CD226: variants seen among roughly 807,000 people sequenced by gnomAD.
The protein encoded by CD226 is CD226 molecule.
In CD226, 24 loss-of-function variants were observed where a neutral mutation model predicts 34.9. The observed-to-expected ratio is 0.69, with a 90% CI of 0.50 to 0.97. The LOEUF is 0.97. CD226 is among the 50% of genes least tolerant of loss of function. The pLI, the probability that CD226 is intolerant of heterozygous loss-of-function variation, is 0.00. For synonymous variants in CD226, 148 were observed against 147.4 expected, an observed-to-expected ratio of 1.00 and a Z score of -0.03; for missense variants, 397 against 412.7, an observed-to-expected ratio of 0.96 and a Z score of 0.33.
upstream of CD226, among the ~76,000 whole-genome samples, chr18:69,948,689 G>A (rs568737927): frequency 2.0e-5 from 3 of 152,240 alleles, no homozygotes; most frequent in South Asian, 6.2e-4. Context: ...GATATTATTT[G>A]TGCCTCTAGT....
chr18:69,867,995 C>T (rs994997008), intron 4 of CD226, among the ~76,000 whole-genome samples: 8 of 152,122 alleles, frequency 5.3e-5, no homozygotes, highest in Non-Finnish European at 7.3e-5. Flanking sequence ...TTAAATCCAT[C>T]GCCCTCCCTC....
chr18:69,888,518 A>C (rs946641043), intron 3 of CD226, among the ~76,000 whole-genome samples: 1 of 150,064 alleles, frequency 6.7e-6, no homozygotes, highest in African/African-American at 2.5e-5. Flanking sequence ...TCTTGGGCTC[A>C]AGGACTCCTA....
chr18:69,880,806 A>C (rs1984213124), intron 3 of CD226, among the ~76,000 whole-genome samples: 2 of 151,848 alleles, frequency 1.3e-5, no homozygotes, highest in Non-Finnish European at 2.9e-5. Context: ...CGCCCGCCAC[A>C]ATGCCCAGCT....
intron 2 of CD226, among the ~76,000 whole-genome samples, chr18:69,921,097 A>G (rs1028192991): frequency 7.9e-5 from 12 of 152,086 alleles, no homozygotes; most frequent in Non-Finnish European, 1.5e-5. Context: ...ATTCTTCCCA[A>G]ATGTAAATCT....
At position 69,864,529 on chromosome 18, in the gene CD226, G is replaced by A. The variant is rs1983017371; in HGVS notation, c.886-90C>T. 3.2e-6 allele frequency: 4 copies of A among 1,238,276 alleles called. No homozygotes were observed. In the Admixed American group the frequency reaches 8.3e-5, roughly 26 times the overall value. The allele number at this position is 1,238,276 out of a possible 1,614,324, so 76.7% of individuals were successfully genotyped here. A position where few individuals can be genotyped will look rare whatever the true frequency, so the allele number is the denominator to read the frequency against. On this transcript the variant is annotated intron_variant, in intron 5 of 5. Transcript: ENST00000582621. Reference sequence around the variant, plus strand: ...CAAAACATACCTCTCATAAATGCAGGCATGATATGGGACAAGTTTCCATTA... The same window carrying A: ...CAAAACATACCTCTCATAAATGCAGACATGATATGGGACAAGTTTCCATTA...
chr18:69,901,795 C>T (rs559708475), intron 2 of CD226, among the ~76,000 whole-genome samples: 9 of 151,602 alleles, frequency 5.9e-5, no homozygotes, highest in South Asian at 2.1e-4. Flanking sequence ...AGAAGAATGG[C>T]GTGAACCCGG....
intron 2 of CD226, among the ~76,000 whole-genome samples, chr18:69,908,550 G>A (rs2055284148): frequency 6.6e-6 from 1 of 152,172 alleles, no homozygotes; most frequent in Non-Finnish European, 1.5e-5. Context: ...ATGGTTATTA[G>A]AGGCTTCCCT....
At chr18:69,905,721 G>A (rs1445175738) in intron 2 of CD226, among the ~76,000 whole-genome samples, 2 of 152,186 alleles carry the variant, frequency 1.3e-5, no homozygotes, top group African/African-American at 4.8e-5. Flanking sequence ...AGACACACAA[G>A]CAGATAATTG....
chr18:69,960,249 AAAAAG>A (rs1438557708), upstream of CD226, among the ~76,000 whole-genome samples: 42 of 152,026 alleles, frequency 2.8e-4, no homozygotes, highest in Middle Eastern at 6.8e-3. Flanking sequence ...TAAAAAAAAA[AAAAAG>A]AAAAGAAAAG....
chr18:69,957,853 C>T (rs2055909524), upstream of CD226, among the ~76,000 whole-genome samples: 1 of 152,200 alleles, frequency 6.6e-6, no homozygotes, highest in African/African-American at 2.4e-5. Context: ...GCCTCACTGT[C>T]CCCAAGAGAA....
chr18:69,887,753 C>T (rs1732382369), intron 3 of CD226, among the ~76,000 whole-genome samples: 1 of 152,128 alleles, frequency 6.6e-6, no homozygotes, highest in South Asian at 2.1e-4. Flanking sequence ...CCATGGCCTA[C>T]CTTTGAGTTC....
chr18:69,900,756 A>AAAAT (rs1555680749), intron 2 of CD226, among the ~76,000 whole-genome samples: 3 of 150,794 alleles, frequency 2.0e-5, no homozygotes, highest in South Asian at 2.1e-4. Context: ...AAAAAAAAAA[A>AAAAT]TTTCTAATAA....
intron 2 of CD226, among the ~76,000 whole-genome samples, chr18:69,932,962 A>G (rs2145336110): frequency 6.6e-6 from 1 of 152,316 alleles, no homozygotes; most frequent in East Asian, 1.9e-4. Flanking sequence ...CATTCAATAA[A>G]CATTTATAGA....
chr18:69,920,935 AC>A, intron 2 of CD226, among the ~76,000 whole-genome samples: 1 of 152,340 alleles, frequency 6.6e-6, no homozygotes, highest in South Asian at 2.1e-4. Flanking sequence ...AATCCTTTAT[AC>A]AAAAAAGTCA....
At chr18:69,907,072 C>A (rs2055263706) in intron 2 of CD226, among the ~76,000 whole-genome samples, 1 of 152,168 alleles carries the variant, frequency 6.6e-6, no homozygotes, top group South Asian at 2.1e-4. Context: ...GACCAGGCAG[C>A]TTCCCTAGAC....
intron 2 of CD226, among the ~76,000 whole-genome samples, chr18:69,924,692 C>CA (rs56118102): frequency 0.022 from 1,227 of 57,040 alleles, 39 homozygotes; most frequent in African/African-American, 0.072. Flanking sequence ...AAGGTATTGC[C>CA]AAAAAAAAAA....
chr18:69,926,929 T>A (rs1030341166), intron 2 of CD226, among the ~76,000 whole-genome samples: 1 of 152,170 alleles, frequency 6.6e-6, no homozygotes, highest in Non-Finnish European at 1.5e-5. Flanking sequence ...ACCAAAACAA[T>A]AGATAGCAGG....
intron 2 of CD226, among the ~76,000 whole-genome samples, chr18:69,931,632 G>A (rs1394373935): frequency 6.6e-6 from 1 of 152,162 alleles, no homozygotes; most frequent in Non-Finnish European, 1.5e-5. Flanking sequence ...AGGGAGCAGT[G>A]TTCCAGCAAT....
rs1322161815 is a variant in CD226 at position 69,854,304 on chromosome 18, C to T, written c.*10010G>A. 6.6e-6 allele frequency: 1 copy of T among 152,252 alleles called. No homozygotes were observed. The highest frequency in any genetic ancestry group is 1.5e-5 in the Non-Finnish European group (1 of 68,094). The allele number at this position is 152,252 out of a possible 1,614,324, so 9.4% of individuals were successfully genotyped here. Reference sequence around the variant, plus strand: ...TAGCCATTTATCTGGAGTCAAAGCACTGGAGCCATAAACTAGTATGAGCCT... The same window carrying T: ...TAGCCATTTATCTGGAGTCAAAGCATTGGAGCCATAAACTAGTATGAGCCT... On this transcript the variant is annotated 3_prime_UTR_variant, in exon 6 of 6. Transcript: ENST00000582621.
Sources: allele counts gnomAD v4.1 joint callset (sites outside exome capture counted in the v4.1 genomes callset), GRCh38; gene constraint gnomAD v4.1.1; transcripts MANE v1.5; gene names NCBI Gene and HGNC (gene_info 2026-07-23, HGNC 2026-07-21).